The following EXT1 variants were observed in gnomAD, a reference collection of about 807,000 sequenced individuals.
EXT1 encodes the protein exostosin-1.
A neutral mutation model predicts 82.5 loss-of-function variants in EXT1; 20 were observed. That is an observed-to-expected ratio of 0.24 (90% CI 0.17 to 0.35). The LOEUF (loss-of-function observed/expected upper bound fraction) is 0.35, where lower values mean the gene tolerates loss of function less well. EXT1 is among the 10% of genes least tolerant of loss of function. The pLI is 1.00. For missense variants in EXT1, 757 were observed against 936.5 expected (o/e 0.81, Z 2.50); for synonymous variants, 348 against 350.8 (o/e 0.99, Z 0.09).
chr8:117,864,048 C>T (rs1188856548), intron 1 of EXT1, among the ~76,000 whole-genome samples: 3 of 152,156 alleles, frequency 2.0e-5, no homozygotes, highest in African/African-American at 7.2e-5. Context: ...TTTTCCTGCA[C>T]TGACATATTA....
At chr8:117,995,544 T>C (rs895218371) in intron 1 of EXT1, among the ~76,000 whole-genome samples, 2 of 152,056 alleles carry the variant, frequency 1.3e-5, no homozygotes, top group Admixed American at 6.5e-5. Flanking sequence ...AGTGCTCTTT[T>C]CTGAACAAGC....
At chr8:117,813,547 C>A (rs1045455059) in intron 7 of EXT1, among the ~76,000 whole-genome samples, 1 of 152,138 alleles carries the variant, frequency 6.6e-6, no homozygotes, top group African/African-American at 2.4e-5. Flanking sequence ...GAGAGCAGAT[C>A]ACTGTAGAAA....
chr8:117,924,674 T>C (rs1395271846), intron 1 of EXT1, among the ~76,000 whole-genome samples: 1 of 152,172 alleles, frequency 6.6e-6, no homozygotes, highest in Non-Finnish European at 1.5e-5. Context: ...ACAGCAGACC[T>C]GGAGGGCAGA....
intron 1 of EXT1, among the ~76,000 whole-genome samples, chr8:118,081,725 T>C (rs939928528): frequency 6.6e-6 from 1 of 152,216 alleles, no homozygotes; most frequent in Middle Eastern, 3.2e-3. Context: ...AATGAATTGA[T>C]GCTGGCGTGC....
intron 1 of EXT1, among the ~76,000 whole-genome samples, chr8:117,940,378 C>A (rs1027578439): frequency 6.6e-6 from 1 of 152,010 alleles, no homozygotes; most frequent in Non-Finnish European, 1.5e-5. Context: ...GAAAGAGTGG[C>A]AAGCTGAGCT....
intron 1 of EXT1, among the ~76,000 whole-genome samples, chr8:118,081,586 T>C (rs1265096349): frequency 6.6e-6 from 1 of 152,226 alleles, no homozygotes. Flanking sequence ...GAAGCAGATA[T>C]CTAAATAACT....
At chr8:117,932,962 C>CTA (rs1814088849) in intron 1 of EXT1, among the ~76,000 whole-genome samples, 1 of 152,068 alleles carries the variant, frequency 6.6e-6, no homozygotes, top group Admixed American at 6.5e-5. Context: ...TAACATCTTC[C>CTA]CCGTGCTCAC....
chr8:117,928,029 AT>A (rs1347504316), intron 1 of EXT1, among the ~76,000 whole-genome samples: 1 of 152,246 alleles, frequency 6.6e-6, no homozygotes, highest in Non-Finnish European at 1.5e-5. Flanking sequence ...TCCAGTTGAG[AT>A]GGCAACTTCC....
chr8:117,938,405 T>C (rs1814210248), intron 1 of EXT1, among the ~76,000 whole-genome samples: 1 of 152,138 alleles, frequency 6.6e-6, no homozygotes, highest in Admixed American at 6.5e-5. Context: ...AAGGTTGCGG[T>C]GAGCAGAGAT....
intron 1 of EXT1, among the ~76,000 whole-genome samples, chr8:118,010,018 G>GAGCTCAGATA (rs1311044216): frequency 1.4e-4 from 21 of 152,158 alleles, no homozygotes; most frequent in Non-Finnish European, 2.8e-4. Context: ...CCAAATCCCT[G>GAGCTCAGATA]AGCTCAGATA....
chr8:117,990,780 GT>G lies in EXT1; in HGVS notation c.962+119304del, dbSNP rs746544775. ...CCCAAGTAACTGCCCAGTTTGCATC[GT>G]TCTAGGCACCGTGCATGGAGGAAAA... is the stretch of plus-strand genomic sequence containing the variant. On this transcript the variant is annotated intron_variant, in intron 1 of 10. Coordinates refer to ENST00000378204, the MANE Select transcript of EXT1 (RefSeq NM_000127.3). Among the ~76,000 whole-genome samples the G allele has an allele frequency of 4.6e-5, 7 of 152,254 alleles. No individual in the cohort carries two copies. In the South Asian group the frequency reaches 1.5e-3, roughly 32 times the overall value.
chr8:118,025,129 G>A (rs941721854), intron 1 of EXT1, among the ~76,000 whole-genome samples: 1 of 152,172 alleles, frequency 6.6e-6, no homozygotes, highest in African/African-American at 2.4e-5. Flanking sequence ...CTGTACTGGG[G>A]GTCAGAGTGG....
intron 1 of EXT1, among the ~76,000 whole-genome samples, chr8:118,053,632 TG>T (rs780288209): frequency 4.6e-5 from 7 of 152,208 alleles, no homozygotes; most frequent in Non-Finnish European, 8.8e-5. Context: ...GGAGTAATGC[TG>T]TTTTCTTTAA....
chr8:117,835,697 T>G, intron 2 of EXT1, 146 bp from the exon 3 acceptor site: 1 of 680,242 alleles, frequency 1.5e-6, no homozygotes, highest in Non-Finnish European at 2.7e-6. Context: ...GAAAGGAAGC[T>G]TTTATGAGTT....
At chr8:118,085,596 A>G (rs1314215121) in intron 1 of EXT1, among the ~76,000 whole-genome samples, 2 of 151,848 alleles carry the variant, frequency 1.3e-5, no homozygotes, top group Non-Finnish European at 2.9e-5. Flanking sequence ...GGGGAAAAAC[A>G]ATTTGCTTAA....
intron 8 of EXT1, among the ~76,000 whole-genome samples, chr8:117,811,647 C>T (rs987292184): frequency 5.4e-5 from 8 of 148,894 alleles, no homozygotes; most frequent in Non-Finnish European, 8.9e-5. Flanking sequence ...GATGGAGTCT[C>T]GCTCTGTCAC....
chr8:117,957,654 A>G (rs1814616513), intron 1 of EXT1, among the ~76,000 whole-genome samples: 1 of 152,242 alleles, frequency 6.6e-6, no homozygotes, highest in African/African-American at 2.4e-5. Context: ...TTTTTAAAAC[A>G]GTAAAACCCT....
At chr8:118,100,874 C>T (rs1218952036) in intron 1 of EXT1, among the ~76,000 whole-genome samples, 4 of 152,270 alleles carry the variant, frequency 2.6e-5, no homozygotes, top group African/African-American at 9.6e-5. Flanking sequence ...CAACTGCTTC[C>T]ACCCCTACCC....
chr8:117,891,901 G>T (rs1813250553), intron 1 of EXT1, among the ~76,000 whole-genome samples: 1 of 149,872 alleles, frequency 6.7e-6, no homozygotes, highest in Middle Eastern at 3.6e-3. Context: ...CTGCCTCCCG[G>T]GTTCAAGCGA....
Sources: gnomAD v4.1 joint callset for allele counts (sites outside exome capture counted in the v4.1 genomes callset) on GRCh38, gnomAD v4.1.1 for gene constraint, MANE v1.5 for transcripts, NCBI Gene and HGNC (gene_info 2026-07-23, HGNC 2026-07-21) for gene names.